The following HTT variants were observed in gnomAD, a reference collection of about 807,000 sequenced individuals.
The protein encoded by HTT is huntington disease protein.
A neutral mutation model predicts 362.3 loss-of-function variants in HTT; 104 were observed. The observed-to-expected ratio is 0.29, with a 90% CI of 0.24 to 0.34. The LOEUF is 0.34. Ranked by LOEUF, HTT falls within the 10% of genes least tolerant of loss-of-function variation. HTT has a pLI of 1.00. For missense variants in HTT, 3,301 were observed against 3,928.6 expected (o/e 0.84, Z 4.27); for synonymous variants, 1,577 against 1,548.7 (o/e 1.02, Z -0.43).
At chr4:3,170,795 G>A (rs1210481989) in intron 29 of HTT, among the ~76,000 whole-genome samples, 1 of 152,162 alleles carries the variant, frequency 6.6e-6, no homozygotes, top group Non-Finnish European at 1.5e-5. Flanking sequence ...AGTGTCTTGA[G>A]GACTCTGGGT....
intron 37 of HTT, among the ~76,000 whole-genome samples, chr4:3,183,623 C>T (rs144636677): frequency 2.4e-4 from 37 of 152,316 alleles, no homozygotes; most frequent in African/African-American, 8.9e-4. Context: ...AGTTAGACAA[C>T]AGGACAGGGA....
intron 19 of HTT, among the ~76,000 whole-genome samples, chr4:3,135,088 C>G (rs1015115349): frequency 1.3e-5 from 2 of 151,356 alleles, no homozygotes; most frequent in Admixed American, 1.3e-4. Context: ...TTTAAGTATT[C>G]TGGATAGTGG....
At chr4:3,161,582 T>G (rs1380791815) in intron 29 of HTT, among the ~76,000 whole-genome samples, 2 of 152,208 alleles carry the variant, frequency 1.3e-5, no homozygotes, top group African/African-American at 2.4e-5. Flanking sequence ...CTCCAGCATC[T>G]GTTGTTTCGT....
chr4:3,116,535 A>C (rs1297816596), intron 8 of HTT, among the ~76,000 whole-genome samples: 1 of 152,196 alleles, frequency 6.6e-6, no homozygotes, highest in Admixed American at 6.5e-5. Flanking sequence ...ACCAGAGGTC[A>C]CGATATGTGT....
intron 24 of HTT, 49 bp from the exon 25 acceptor site, chr4:3,146,748 T>A: frequency 1.3e-6 from 2 of 1,570,728 alleles, no homozygotes; most frequent in Non-Finnish European, 1.8e-6. Context: ...AAGACTGTTG[T>A]TTGCTTAAAA....
intron 2 of HTT, among the ~76,000 whole-genome samples, chr4:3,090,316 TG>T (rs1259008666): frequency 6.6e-6 from 1 of 152,228 alleles, no homozygotes; most frequent in Non-Finnish European, 1.5e-5. Context: ...CTGGAAAATT[TG>T]TTAAAAATAC....
chr4:3,116,351 G>A (rs1458625901), intron 8 of HTT, 88 bp downstream of exon 8: 20 of 1,168,510 alleles, frequency 1.7e-5, no homozygotes, highest in Middle Eastern at 2.1e-4. Flanking sequence ...CGGCAGAACC[G>A]AGAGTTAGAG....
chr4:3,214,017 G>A lies in HTT; in HGVS notation c.6834G>A (p.Gly2278=). The change falls in exon 50 of 67, where the codon GGG becomes GGA. Residue 2278 remains glycine, a synonymous_variant. Coordinates refer to ENST00000355072, the MANE Select transcript of HTT (RefSeq NM_001388492.1). ...CGCTGAGTCTGGATCTCCAGGCAGG[G>A]CTGGACTGCTGCTGCCTGGCCCTGC... ...QIPLSLDLQA[G]LDCCCLALQL... 6.2e-7 allele frequency: 1 copy of A among 1,608,854 alleles called. No homozygotes were observed. The highest frequency in any genetic ancestry group is 1.3e-5 in the African/African-American group (1 of 74,858).
At chr4:3,098,294 C>T (rs570283070) in intron 2 of HTT, among the ~76,000 whole-genome samples, 82 of 152,290 alleles carry the variant, frequency 5.4e-4, no homozygotes, top group African/African-American at 1.9e-3. Context: ...CTGATGTGGA[C>T]TTTTGGTGCC....
Position 3,131,149 on chromosome 4 carries a change from A to C in HTT, c.1987-137A>C, listed in dbSNP as rs1715793129. The C allele has an allele frequency of 3.1e-5, 21 of 667,336 alleles. 1 individual carries two copies. The South Asian group carries it at 3.5e-4, about 11-fold the overall frequency. The allele number at this position is 667,336 out of a possible 1,614,324, so 41.3% of individuals were successfully genotyped here. ...ATGGTCTCTGTGAGGTCAGGTGTGC[A>C]TATGGGCACAAACCAGGGCATCTCT... On this transcript the variant is annotated intron_variant, in intron 14 of 66. Transcript: ENST00000355072.
At chr4:3,103,951 A>G in intron 4 of HTT, 68 bp downstream of exon 4, 1 of 885,156 alleles carries the variant, frequency 1.1e-6, no homozygotes. Flanking sequence ...CGTATTTTGT[A>G]GGTACATGTA....
chr4:3,166,944 A>G (rs1221032292), intron 29 of HTT, among the ~76,000 whole-genome samples: 5 of 152,194 alleles, frequency 3.3e-5, no homozygotes, highest in Non-Finnish European at 7.3e-5. Flanking sequence ...CGTGGGCTGC[A>G]CCCACTGTCC....
At position 3,212,103 on chromosome 4, in the gene HTT, G is replaced by A. The variant is rs1310976797; in HGVS notation, c.6589G>A (p.Glu2197Lys). ...TGTCTTCCAGCCCGAGCTGCCTGCA[G>A]AGCCGGCGGCCTACTGGAGCAAGTT... is the stretch of plus-strand genomic sequence containing the variant. ...HHVFQPELPA[E>K]PAAYWSKLND... The change falls in exon 48 of 67, where the codon GAG becomes AAG. Residue 2197 changes from glutamate to lysine, a missense_variant. This residue lies in a region of HTT where 220 missense variants were observed against 218.5 expected (regional missense o/e 1.01). Transcript: ENST00000355072. The A allele has an allele frequency of 1.2e-6, 2 of 1,613,996 alleles. No individual in the cohort carries two copies. Among genetic ancestry groups the A allele is most frequent in the Admixed American group, 1.7e-5 (1 of 60,028 alleles).
At chr4:3,082,249 A>C (rs1052373739) in intron 1 of HTT, among the ~76,000 whole-genome samples, 3 of 152,212 alleles carry the variant, frequency 2.0e-5, no homozygotes, top group Non-Finnish European at 4.4e-5. Flanking sequence ...CAAAGGTCTC[A>C]CATTTTTGTG....
chr4:3,186,526 A>G (rs960709068), intron 37 of HTT, 71 bp from the exon 38 acceptor site: 2 of 1,556,994 alleles, frequency 1.3e-6, no homozygotes, highest in Admixed American at 1.7e-5. Context: ...CTTGAGTTAC[A>G]TAGCTGGTGT....
At chr4:3,104,474 T>A (rs1714323469) in intron 4 of HTT, among the ~76,000 whole-genome samples, 1 of 151,576 alleles carries the variant, frequency 6.6e-6, no homozygotes, top group Admixed American at 6.6e-5. Flanking sequence ...CCAAGTGTGG[T>A]GGCGGGCGCC....
intron 64 of HTT, 45 bp downstream of exon 64, chr4:3,236,299 CT>C: frequency 7.3e-7 from 1 of 1,362,270 alleles, no homozygotes. Context: ...TTCCCTAGAA[CT>C]TTGGCCTGAA....
Position 3,116,966 on chromosome 4 carries a change from G to C in HTT, c.1068+703G>C, listed in dbSNP as rs16843858. On this transcript the variant is annotated intron_variant, in intron 8 of 66. Transcript: ENST00000355072. The stretch of plus-strand genomic sequence containing the variant: ...TGTGCCATTTAGCTAAGTTTTGTAG[G>C]ATACGAAATTGTAAGTGGCTTAAAA... Among the ~76,000 whole-genome samples the C allele has an allele frequency of 6.9e-3, 1,054 of 152,252 alleles. 11 individuals are homozygous for C. The highest frequency in any genetic ancestry group is 0.024 in the African/African-American group (985 of 41,542).
chr4:3,108,150 A>C (rs1033333316), intron 6 of HTT, among the ~76,000 whole-genome samples: 1 of 152,230 alleles, frequency 6.6e-6, no homozygotes, highest in African/African-American at 2.4e-5. Flanking sequence ...CAACTCTGAG[A>C]GTAAAATAAA....
Sources: allele counts gnomAD v4.1 joint callset (sites outside exome capture counted in the v4.1 genomes callset), GRCh38; gene constraint gnomAD v4.1.1; regional missense constraint gnomAD v4.1.1; transcripts MANE v1.5; gene names NCBI Gene and HGNC (gene_info 2026-07-23, HGNC 2026-07-21).